SRGAP3: variants seen among roughly 807,000 people sequenced by gnomAD.
The protein encoded by SRGAP3 is SLIT-ROBO Rho GTPase-activating protein 3.
Under a neutral mutation model 121.1 loss-of-function variants are expected in SRGAP3, and 39 were observed. The ratio of observed to expected loss-of-function variants is 0.32; its 90% CI spans 0.25 to 0.42. The LOEUF is 0.42. Ranked by LOEUF, SRGAP3 falls within the 10% of genes least tolerant of loss-of-function variation. The pLI, the probability that SRGAP3 is intolerant of heterozygous loss-of-function variation, is 1.00. For missense variants in SRGAP3, 1,213 were observed against 1,470.6 expected (o/e 0.82, Z 2.86); for synonymous variants, 601 against 570.0 (o/e 1.05, Z -0.77).
chr3:9,361,147 G>C (rs892737619), intron 1 of SRGAP3, among the ~76,000 whole-genome samples: 3 of 151,884 alleles, frequency 2.0e-5, no homozygotes, highest in Non-Finnish European at 4.4e-5. Context: ...CTGTCACCTG[G>C]GCTGAAGTGC....
intron 1 of SRGAP3, among the ~76,000 whole-genome samples, chr3:9,138,381 T>C (rs1381664062): frequency 6.6e-6 from 1 of 152,188 alleles, no homozygotes; most frequent in East Asian, 1.9e-4. Context: ...GATTCTGTAG[T>C]CTGAGACCTG....
intron 1 of SRGAP3, among the ~76,000 whole-genome samples, chr3:9,162,976 GA>G (rs1409938594): frequency 6.6e-6 from 1 of 152,212 alleles, no homozygotes; most frequent in Non-Finnish European, 1.5e-5. Flanking sequence ...GTGATTTTGA[GA>G]AAGTTATTTA....
chr3:9,078,402 T>C (rs1947072978), intron 4 of SRGAP3, among the ~76,000 whole-genome samples: 1 of 152,152 alleles, frequency 6.6e-6, no homozygotes, highest in Non-Finnish European at 1.5e-5. Context: ...TGCAGAATTC[T>C]GAGCACGACA....
Position 9,284,213 on chromosome 3 carries a change from G to A in SRGAP3, n.442+41797C>T, listed in dbSNP as rs993864717. On this transcript the variant is annotated intron_variant and non_coding_transcript_variant, in intron 3 of 3. Coordinates refer to the SRGAP3 transcript ENST00000490889. Reference sequence around the variant, plus strand: ...CTTCCTGAAACAACCATCCTACTTCGGTATGCCACACAAGTGCTTTATGTG... The same window carrying A: ...CTTCCTGAAACAACCATCCTACTTCAGTATGCCACACAAGTGCTTTATGTG... Among the ~76,000 whole-genome samples the A allele has an allele frequency of 5.9e-5, 9 of 151,724 alleles. No homozygotes were observed. The East Asian group carries it at 1.5e-3, about 26-fold the overall frequency.
intron 1 of SRGAP3, among the ~76,000 whole-genome samples, chr3:9,134,955 T>C (rs149881395): frequency 1.1e-3 from 171 of 152,288 alleles, no homozygotes; most frequent in African/African-American, 3.9e-3. Flanking sequence ...CAAATGGGGA[T>C]GATAATAATC....
intron 1 of SRGAP3, among the ~76,000 whole-genome samples, chr3:9,335,749 C>T (rs1955682299): frequency 6.6e-6 from 1 of 152,210 alleles, no homozygotes; most frequent in African/African-American, 2.4e-5. Context: ...CCTAGCTATG[C>T]ACTGAAATCA....
rs376379983 is a variant in SRGAP3 at position 9,060,079 on chromosome 3, A to C, written c.801+152T>G. The stretch of plus-strand genomic sequence containing the variant: ...GTAACATTCATTTTCCACCTCCCCA[A>C]ATCACTGCCCTTCCCCTCCAGCAGG... On this transcript the variant is annotated intron_variant, in intron 6 of 21. Coordinates refer to ENST00000383836, the MANE Select transcript of SRGAP3 (RefSeq NM_014850.4). 28 of 1,249,090 alleles carry C rather than the reference A, an allele frequency of 2.2e-5. No homozygotes were observed. The highest frequency in any genetic ancestry group is 9.6e-5 in the East Asian group (4 of 41,534). 77.4% of individuals were successfully genotyped at this position (1,249,090 alleles called of 1,614,324 possible). A position where few individuals can be genotyped will look rare whatever the true frequency, so the allele number is the denominator to read the frequency against.
intron 3 of SRGAP3, among the ~76,000 whole-genome samples, chr3:9,276,428 G>GTTT (rs61126627): frequency 7.4e-6 from 1 of 134,738 alleles, no homozygotes; most frequent in Non-Finnish European, 1.6e-5. Context: ...TTGACTGTTT[G>GTTT]TTTTTTTTTT....
chr3:9,144,737 A>G (rs1186483510), intron 1 of SRGAP3, among the ~76,000 whole-genome samples: 1 of 152,198 alleles, frequency 6.6e-6, no homozygotes, highest in Non-Finnish European at 1.5e-5. Context: ...TGTAAGTTCA[A>G]TCAAACATCT....
At chr3:9,118,727 A>G (rs1948895869) in intron 2 of SRGAP3, among the ~76,000 whole-genome samples, 1 of 149,166 alleles carries the variant, frequency 6.7e-6, no homozygotes, top group African/African-American at 2.5e-5. Context: ...AGCAGGTCTC[A>G]GGAAATACCC....
At chr3:9,026,593 T>TA (rs1352459198) in intron 13 of SRGAP3, among the ~76,000 whole-genome samples, 5 of 152,246 alleles carry the variant, frequency 3.3e-5, no homozygotes, top group Non-Finnish European at 5.9e-5. Context: ...ATCAACCTAA[T>TA]ACCTTCATGG....
chr3:9,135,767 G>A (rs543428037), intron 1 of SRGAP3, among the ~76,000 whole-genome samples: 8 of 152,398 alleles, frequency 5.2e-5, no homozygotes, highest in African/African-American at 1.9e-4. Flanking sequence ...GCATGGCGCA[G>A]CGGAAGGGCA....
At chr3:9,170,234 T>TG (rs1326724065) in intron 1 of SRGAP3, among the ~76,000 whole-genome samples, 1 of 152,128 alleles carries the variant, frequency 6.6e-6, no homozygotes, top group Non-Finnish European at 1.5e-5. Context: ...CAAAACTCTT[T>TG]GACACTTGGG....
At chr3:9,268,548 T>C (rs1307106234) in intron 3 of SRGAP3, among the ~76,000 whole-genome samples, 1 of 152,054 alleles carries the variant, frequency 6.6e-6, no homozygotes, top group Admixed American at 6.6e-5. Context: ...GACAGCATCA[T>C]TCTAGTTAAG....
chr3:9,087,047 A>AACAT (rs1482089158), intron 3 of SRGAP3, among the ~76,000 whole-genome samples: 3 of 151,808 alleles, frequency 2.0e-5, no homozygotes, highest in African/African-American at 7.3e-5. Flanking sequence ...ATGCATATGT[A>AACAT]ACATACATAT....
At chr3:9,289,708 A>G (rs1410811880) in intron 3 of SRGAP3, among the ~76,000 whole-genome samples, 2 of 152,182 alleles carry the variant, frequency 1.3e-5, no homozygotes, top group Non-Finnish European at 2.9e-5. Context: ...ATTTAAGGAC[A>G]TAACTTTATG....
intron 3 of SRGAP3, among the ~76,000 whole-genome samples, chr3:9,260,647 A>T (rs992223701): frequency 6.6e-5 from 10 of 152,258 alleles, no homozygotes; most frequent in African/African-American, 2.4e-4. Flanking sequence ...CAGCAGCCCC[A>T]GTCAGCGGCT....
chr3:9,227,113 G>C (rs1040599511), intron 1 of SRGAP3, among the ~76,000 whole-genome samples: 6 of 152,182 alleles, frequency 3.9e-5, no homozygotes, highest in Non-Finnish European at 8.8e-5. Flanking sequence ...TTGCCTCTGA[G>C]AATGAGGGCC....
intron 1 of SRGAP3, among the ~76,000 whole-genome samples, chr3:9,196,877 C>T (rs1951935741): frequency 6.6e-6 from 1 of 152,226 alleles, no homozygotes; most frequent in Non-Finnish European, 1.5e-5. Context: ...GGTGCAGAAA[C>T]AGGATTAAAA....
Sources: gnomAD v4.1 joint callset for allele counts (sites outside exome capture counted in the v4.1 genomes callset) on GRCh38, gnomAD v4.1.1 for gene constraint, MANE v1.5 for transcripts, NCBI Gene and HGNC (gene_info 2026-07-23, HGNC 2026-07-21) for gene names.